NTRK3: variants seen among roughly 807,000 people sequenced by gnomAD.
The protein encoded by NTRK3 is neurotrophic receptor tyrosine kinase 3, also known as NT-3 growth factor receptor.
NTRK3 carries 24 observed loss-of-function variants against 91.7 expected under a neutral mutation model. The ratio of observed to expected loss-of-function variants is 0.26; its 90% CI spans 0.19 to 0.37. The LOEUF is 0.37. Ranked by LOEUF, NTRK3 falls within the 10% of genes least tolerant of loss-of-function variation. The probability of loss-of-function intolerance (pLI) is 1.00; values close to 1 mark genes in which losing one functional copy is unlikely to be tolerated. For missense variants in NTRK3, 880 were observed against 1,068.9 expected (o/e 0.82, Z 2.46); for synonymous variants, 483 against 404.0 (o/e 1.20, Z -2.34).
chr15:87,961,859 C>T (rs1248941246), intron 14 of NTRK3, among the ~76,000 whole-genome samples: 4 of 152,262 alleles, frequency 2.6e-5, no homozygotes, highest in Non-Finnish European at 5.9e-5. Context: ...AGCAGGTGCT[C>T]AGACTTCTTT....
At chr15:88,167,906 T>C (rs2045137590) in intron 5 of NTRK3, among the ~76,000 whole-genome samples, 1 of 152,254 alleles carries the variant, frequency 6.6e-6, no homozygotes, top group Admixed American at 6.5e-5. Context: ...AAAGGCCTAA[T>C]ATTTGTAAGA....
chr15:88,091,798 T>C (rs925552184), intron 13 of NTRK3, among the ~76,000 whole-genome samples: 3 of 152,184 alleles, frequency 2.0e-5, no homozygotes, highest in Non-Finnish European at 4.4e-5. Context: ...TCAGACACTT[T>C]TTATCTCCAT....
intron 13 of NTRK3, among the ~76,000 whole-genome samples, chr15:88,101,593 A>G (rs1279774593): frequency 6.6e-6 from 1 of 152,246 alleles, no homozygotes; most frequent in South Asian, 2.1e-4. Flanking sequence ...CACTATTCAC[A>G]ATAGCAAAGA....
chr15:87,941,257 G>A lies in NTRK3; in HGVS notation c.1586-504C>T, dbSNP rs375212777. ...GATTGAGAATCAGGTTGGAATCCTG[G>A]GTCCACGCCATTACTAGTTTTTTGA... is the stretch of plus-strand genomic sequence containing the variant. On this transcript the variant is annotated intron_variant, in intron 14 of 18. Coordinates refer to ENST00000394480, the Ensembl canonical transcript of NTRK3. 7.2e-5 allele frequency among the ~76,000 whole-genome samples: 11 copies of A among 152,032 alleles called. 1 individual carries two copies. Among genetic ancestry groups the A allele is most frequent in the African/African-American group, 2.7e-4 (11 of 41,366 alleles).
At chr15:88,045,553 G>A (rs1387164463) in intron 13 of NTRK3, among the ~76,000 whole-genome samples, 1 of 152,196 alleles carries the variant, frequency 6.6e-6, no homozygotes, top group Non-Finnish European at 1.5e-5. Flanking sequence ...CTCCAAAGCT[G>A]TGAACTTCCT....
At position 87,976,558 on chromosome 15, in the gene NTRK3, C is replaced by T. The variant is rs983025989; in HGVS notation, c.1586-35805G>A. 2.0e-5 allele frequency among the ~76,000 whole-genome samples: 3 copies of T among 152,212 alleles called. 1 individual carries two copies. The highest frequency in any genetic ancestry group is 1.3e-4 in the Admixed American group (2 of 15,288). On this transcript the variant is annotated intron_variant, in intron 14 of 18. Coordinates refer to ENST00000394480, the Ensembl canonical transcript of NTRK3. ...GCTCCATCTCTCCTGCATACAGGGC[C>T]TCACGGTGTCCTCTCCTCCTGAAAG...
At chr15:87,968,415 G>A (rs931955921) in intron 14 of NTRK3, among the ~76,000 whole-genome samples, 2 of 152,078 alleles carry the variant, frequency 1.3e-5, no homozygotes, top group Non-Finnish European at 2.9e-5. Flanking sequence ...AAGACTTCTG[G>A]GAGGTAGAGT....
intron 14 of NTRK3, among the ~76,000 whole-genome samples, chr15:87,964,022 A>C (rs746142966): frequency 2.0e-4 from 30 of 152,216 alleles, no homozygotes; most frequent in Admixed American, 3.9e-4. Flanking sequence ...TAAAACAACA[A>C]TGAGGGAGTT....
intron 17 of NTRK3, among the ~76,000 whole-genome samples, chr15:87,912,925 AAAAAAAATATATATAT>A (rs1182916103): frequency 0.037 from 1,205 of 32,860 alleles, 26 homozygotes; most frequent in Middle Eastern, 0.12. Flanking sequence ...TCAAAAAGTA[AAAAAAAATATATATAT>A]ATATATATAT....
At chr15:88,223,895 A>G (rs1237130156) in intron 3 of NTRK3, among the ~76,000 whole-genome samples, 1 of 152,180 alleles carries the variant, frequency 6.6e-6, no homozygotes, top group Non-Finnish European at 1.5e-5. Context: ...AGGGACAACC[A>G]GGCATGGGAG....
chr15:88,054,688 T>C (rs1429552974), intron 13 of NTRK3, among the ~76,000 whole-genome samples: 2 of 152,104 alleles, frequency 1.3e-5, no homozygotes, highest in Non-Finnish European at 2.9e-5. Flanking sequence ...AAAATACTCC[T>C]GGATCTCAAT....
At chr15:88,165,689 T>C (rs2044868175) in intron 5 of NTRK3, among the ~76,000 whole-genome samples, 1 of 152,240 alleles carries the variant, frequency 6.6e-6, no homozygotes, top group Admixed American at 6.5e-5. Flanking sequence ...TGTATTATTA[T>C]AATGATTTGC....
At chr15:87,978,337 G>T (rs2073906225) in intron 14 of NTRK3, 1 of 230,156 alleles carries the variant, frequency 4.3e-6, no homozygotes, top group African/African-American at 2.2e-5. Context: ...CATGAGAGGG[G>T]CTGGAGGAGG....
At chr15:88,178,846 T>A (rs2046223304) in intron 5 of NTRK3, among the ~76,000 whole-genome samples, 1 of 152,148 alleles carries the variant, frequency 6.6e-6, no homozygotes, top group Admixed American at 6.5e-5. Context: ...GCGTGCTGAA[T>A]CCCCAGGGGG....
At chr15:88,051,367 A>C (rs1337854171) in intron 13 of NTRK3, among the ~76,000 whole-genome samples, 1 of 152,180 alleles carries the variant, frequency 6.6e-6, no homozygotes, top group African/African-American at 2.4e-5. Context: ...TCTGAAGATC[A>C]AGGTTTGCCT....
intron 6 of NTRK3, chr15:88,144,116 C>T (rs943173166): frequency 6.6e-6 from 1 of 152,168 alleles, no homozygotes; most frequent in Non-Finnish European, 1.5e-5. Flanking sequence ...CTCTCTGATT[C>T]CTGCTCTGAT....
rs115503365 is a variant in NTRK3, at chr15:88,064,349, A to G, written c.1397-31304T>C. ...CCTTAAAAATCTAATACCATCACCT[A>G]GAGATGGACCAACTGATTTTATAGC... is the stretch of plus-strand genomic sequence containing the variant. On this transcript the variant is annotated intron_variant, in intron 13 of 18. Transcript: ENST00000394480. Among the ~76,000 whole-genome samples the G allele has an allele frequency of 1.7e-3, 254 of 152,344 alleles. 1 individual carries two copies. Among genetic ancestry groups the G allele is most frequent in the African/African-American group, 5.8e-3 (241 of 41,570 alleles).
At chr15:88,144,717 T>C (rs1307682783) in intron 6 of NTRK3, among the ~76,000 whole-genome samples, 1 of 152,188 alleles carries the variant, frequency 6.6e-6, no homozygotes, top group Non-Finnish European at 1.5e-5. Context: ...GTCACACTGC[T>C]ACCTCCCTGT....
At position 87,868,086 on chromosome 15, in the gene NTRK3, T is replaced by G. The variant is rs2064735776; in HGVS notation, c.*8849A>C. The G allele has an allele frequency of 1.3e-5, 3 of 231,890 alleles. No individual in the cohort carries two copies. In the East Asian group the frequency reaches 1.8e-4, roughly 14 times the overall value. 14.4% of individuals were successfully genotyped at this position (231,890 alleles called of 1,614,324 possible). ...TGATGCACACTTCATTGCAAATGCATGCACACAAAGATCAACGGAAGCGAC... is the reference window on the plus strand; with the variant it reads ...TGATGCACACTTCATTGCAAATGCAGGCACACAAAGATCAACGGAAGCGAC... On this transcript the variant is annotated 3_prime_UTR_variant, in exon 19 of 19. Coordinates refer to ENST00000394480, the Ensembl canonical transcript of NTRK3.
Sources: gnomAD v4.1 joint callset for allele counts (sites outside exome capture counted in the v4.1 genomes callset) on GRCh38, gnomAD v4.1.1 for gene constraint, MANE v1.5 for transcripts, NCBI Gene and HGNC (gene_info 2026-07-23, HGNC 2026-07-21) for gene names.